YJU2: variants seen among roughly 807,000 people sequenced by gnomAD.
YJU2 encodes YJU2 splicing factor homolog.
YJU2 carries 28 observed loss-of-function variants against 39.6 expected under a neutral mutation model. The observed-to-expected ratio is 0.71, with a 90% CI of 0.52 to 0.97. The LOEUF is 0.97. Among genes scored for constraint, YJU2 ranks in the 50% least tolerant of loss-of-function variants. The pLI is 0.00. For synonymous variants in YJU2, 184 were observed against 182.4 expected, an observed-to-expected ratio of 1.01 and a Z score of -0.07; for missense variants, 328 against 430.4, an observed-to-expected ratio of 0.76 and a Z score of 2.11.
At position 4,247,616 on chromosome 19, in the gene YJU2, T is replaced by C. The variant is rs1381654840; in HGVS notation, c.24+446T>C. Among the ~76,000 whole-genome samples, 134 of 15,948 alleles carry C rather than the reference T, an allele frequency of 8.4e-3. 11 individuals carry two copies. The highest frequency in any genetic ancestry group is 0.02 in the East Asian group (11 of 540). 10.5% of individuals were successfully genotyped at this position (15,948 alleles called of 152,430 possible). ...GTGTGTGTGTGTGTGTGTGTGTGTG[T>C]GTGTGTGTGTGTGTGTGTGTGTGTG... On this transcript the variant is annotated intron_variant, in intron 1 of 7. Transcript: ENST00000262962.
At chr19:4,249,865 C>T (rs983539697) in intron 2 of YJU2, among the ~76,000 whole-genome samples, 1 of 152,100 alleles carries the variant, frequency 6.6e-6, no homozygotes, top group Non-Finnish European at 1.5e-5. Context: ...CACCACCACG[C>T]CCGGCTAATT....
intron 6 of YJU2, 58 bp from the exon 7 acceptor site, chr19:4,267,566 G>T (rs1971125018): frequency 2.5e-6 from 4 of 1,575,332 alleles, no homozygotes; most frequent in Non-Finnish European, 3.5e-6. Context: ...TGTGGCGAGG[G>T]GCCAGACTGG....
At chr19:4,254,054 C>A (rs1157689512) in intron 3 of YJU2, among the ~76,000 whole-genome samples, 1 of 152,140 alleles carries the variant, frequency 6.6e-6, no homozygotes, top group Admixed American at 6.6e-5. Context: ...CAGTGATCCA[C>A]CTGCCTCATT....
chr19:4,248,744 C>T (rs1449978471), intron 1 of YJU2, among the ~76,000 whole-genome samples: 1 of 152,050 alleles, frequency 6.6e-6, no homozygotes, highest in Non-Finnish European at 1.5e-5. Context: ...CATGGTGAAA[C>T]CCCATCTCTA....
At chr19:4,254,061 C>T (rs1029336936) in intron 3 of YJU2, among the ~76,000 whole-genome samples, 1 of 152,050 alleles carries the variant, frequency 6.6e-6, no homozygotes, top group Non-Finnish European at 1.5e-5. Flanking sequence ...CCACCTGCCT[C>T]ATTGGAGAGT....
At chr19:4,257,599 A>C (rs1372752492) in intron 4 of YJU2, among the ~76,000 whole-genome samples, 1 of 152,084 alleles carries the variant, frequency 6.6e-6, no homozygotes, top group African/African-American at 2.4e-5. Context: ...TCAGCCTCCC[A>C]AGTAGCTGGG....
At chr19:4,261,869 A>C in intron 5 of YJU2, 125 bp from the exon 6 acceptor site, 1 of 844,860 alleles carries the variant, frequency 1.2e-6, no homozygotes. Context: ...ACTCCCTCCC[A>C]CCCCTGCTCA....
At chr19:4,267,856 G>A (rs184119530) in intron 7 of YJU2, 82 bp downstream of exon 7, 2 of 1,355,560 alleles carry the variant, frequency 1.5e-6, no homozygotes, top group South Asian at 2.7e-5. Flanking sequence ...CAGTTACAGA[G>A]ACTTCATGGG....
At chr19:4,265,729 C>T (rs1017303213) in intron 6 of YJU2, among the ~76,000 whole-genome samples, 2 of 151,578 alleles carry the variant, frequency 1.3e-5, no homozygotes, top group Admixed American at 6.6e-5. Flanking sequence ...GCTGGGATTA[C>T]AGGCGTGTGC....
intron 3 of YJU2, among the ~76,000 whole-genome samples, chr19:4,253,177 TAGTG>T (rs1159052294): frequency 7.0e-6 from 1 of 143,188 alleles, no homozygotes; most frequent in East Asian, 2.1e-4. Context: ...CTGGGCAACA[TAGTG>T]AGACCCTGTC....
chr19:4,259,406 G>A (rs569921970), intron 5 of YJU2, among the ~76,000 whole-genome samples: 1 of 151,984 alleles, frequency 6.6e-6, no homozygotes, highest in East Asian at 1.9e-4. Context: ...TTGAGACGGG[G>A]TTTTGCTCTG....
chr19:4,263,584 C>T (rs1239327404), intron 6 of YJU2, among the ~76,000 whole-genome samples: 2 of 151,476 alleles, frequency 1.3e-5, no homozygotes, highest in African/African-American at 2.4e-5. Flanking sequence ...CCGAGGCAGG[C>T]GGATCATCTG....
intron 6 of YJU2, 148 bp downstream of exon 6, chr19:4,262,262 G>A (rs1412245719): frequency 3.7e-5 from 30 of 803,332 alleles, no homozygotes; most frequent in Non-Finnish European, 3.9e-5. Flanking sequence ...GCAGTGGCAC[G>A]ATCTTGGCTC....
At chr19:4,255,085 A>G (rs1338856072) in intron 4 of YJU2, among the ~76,000 whole-genome samples, 1 of 149,020 alleles carries the variant, frequency 6.7e-6, no homozygotes, top group African/African-American at 2.5e-5. Flanking sequence ...TTAGTCAAGC[A>G]TGGTGGCGCA....
intron 6 of YJU2, among the ~76,000 whole-genome samples, chr19:4,265,332 C>T (rs1009517326): frequency 2.6e-5 from 4 of 151,996 alleles, no homozygotes; most frequent in African/African-American, 9.7e-5. Context: ...GCTGCAGCCT[C>T]CAACTCCTGG....
At chr19:4,261,383 C>T (rs754758560) in intron 5 of YJU2, among the ~76,000 whole-genome samples, 7 of 151,984 alleles carry the variant, frequency 4.6e-5, no homozygotes, top group Non-Finnish European at 8.8e-5. Context: ...CCTAGCTGCT[C>T]GGTAGGCTGA....
At chr19:4,247,321 C>T (rs1324971509) in intron 1 of YJU2, 151 bp downstream of exon 1, 2 of 636,254 alleles carry the variant, frequency 3.1e-6, no homozygotes, top group Admixed American at 3.2e-5. Context: ...CCCTAGACTC[C>T]TCCCCATCGC....
In YJU2 at chr19:4,247,175, GT is replaced by G; in HGVS notation, c.24+6del. 1 of 1,613,762 alleles carries G rather than the reference GT, an allele frequency of 6.2e-7. No homozygotes were observed. Among genetic ancestry groups the G allele is most frequent in the South Asian group, 1.1e-5 (1 of 91,078 alleles). On this transcript the variant is annotated splice_donor_region_variant and intron_variant, in intron 1 of 7. Coordinates refer to ENST00000262962, the MANE Select transcript of YJU2 (RefSeq NM_018074.6). Reference sequence around the variant, plus strand: ...TCGGAGCGAAAAGTATTAAACGTAAGTGTTGGGCGACTGGGGCTTTTCAATC... The same window carrying G: ...TCGGAGCGAAAAGTATTAAACGTAAGGTTGGGCGACTGGGGCTTTTCAATC...
At chr19:4,249,033 A>G (rs1200044259) in intron 1 of YJU2, among the ~76,000 whole-genome samples, 195 bp from the exon 2 acceptor site, 2 of 152,110 alleles carry the variant, frequency 1.3e-5, no homozygotes, top group African/African-American at 4.8e-5. Flanking sequence ...GTATAACTCC[A>G]CTAGGAGAGA....
Sources: allele counts gnomAD v4.1 joint callset (sites outside exome capture counted in the v4.1 genomes callset), GRCh38; gene constraint gnomAD v4.1.1; transcripts MANE v1.5; gene names NCBI Gene and HGNC (gene_info 2026-07-23, HGNC 2026-07-21).